SNX29: variants seen among roughly 807,000 people sequenced by gnomAD.
SNX29 encodes sorting nexin-29.
In SNX29, 78 loss-of-function variants were observed where a neutral mutation model predicts 102.1. The observed-to-expected ratio is 0.76, with a 90% CI of 0.64 to 0.92. SNX29 has a LOEUF of 0.92. Ranked by LOEUF, SNX29 falls within the 40% of genes least tolerant of loss-of-function variation. The pLI is 0.00. For missense variants in SNX29, 1,280 were observed against 1,061.7 expected (o/e 1.21, Z -2.86); for synonymous variants, 580 against 414.5 (o/e 1.40, Z -4.85).
chr16:11,978,625 C>G (rs956986982), intron 1 of SNX29, among the ~76,000 whole-genome samples: 1 of 152,092 alleles, frequency 6.6e-6, no homozygotes, highest in Middle Eastern at 3.4e-3. Flanking sequence ...GGACTAGGCA[C>G]TGTCTGAAAA....
Position 12,278,018 on chromosome 16 carries a change from C to T in SNX29, c.1764C>T (p.Tyr588=), listed in dbSNP as rs16959111. 12,428 of 1,602,088 alleles carry T rather than the reference C, an allele frequency of 7.8e-3. 881 individuals are homozygous for T. In the African/African-American group the frequency reaches 0.15, roughly 19 times the overall value. Residue 588 remains tyrosine, a synonymous_variant, in exon 15 of 21, where the codon TAC becomes TAT. Coordinates refer to ENST00000566228, the MANE Select transcript of SNX29 (RefSeq NM_032167.5). ...TTGCTGAAGAACTCGCAAGCTCCTA[C>T]GAAAGAAAGCTCATCGAGGTAAGGC... The part of the protein sequence containing the change: ...GEIAEELASS[Y]ERKLIEVAEM...
chr16:12,206,403 A>G (rs1003310623), intron 14 of SNX29, among the ~76,000 whole-genome samples: 1 of 150,672 alleles, frequency 6.6e-6, no homozygotes, highest in South Asian at 2.1e-4. Context: ...AAAAAAAAAA[A>G]GCCCTGATTT....
intron 18 of SNX29, among the ~76,000 whole-genome samples, chr16:12,460,097 C>T (rs930060896): frequency 2.0e-5 from 3 of 152,182 alleles, no homozygotes; most frequent in African/African-American, 7.2e-5. Flanking sequence ...TTCAGGATCA[C>T]ATCAGAAGGT....
intron 15 of SNX29, among the ~76,000 whole-genome samples, chr16:12,338,183 C>T (rs907003927): frequency 3.9e-5 from 6 of 152,172 alleles, no homozygotes; most frequent in Non-Finnish European, 8.8e-5. Flanking sequence ...GACCAGACAT[C>T]GCCTCTGCAG....
At chr16:12,303,231 A>G (rs1313371897) in intron 15 of SNX29, among the ~76,000 whole-genome samples, 1 of 152,356 alleles carries the variant, frequency 6.6e-6, no homozygotes, top group Non-Finnish European at 1.5e-5. Flanking sequence ...ATATTAAAAC[A>G]TAGATGAATT....
At chr16:12,248,530 C>G (rs2078328254) in intron 14 of SNX29, among the ~76,000 whole-genome samples, 1 of 151,978 alleles carries the variant, frequency 6.6e-6, no homozygotes, top group South Asian at 2.1e-4. Context: ...TGAGCGATTA[C>G]AGGCGTGCAC....
intron 11 of SNX29, among the ~76,000 whole-genome samples, chr16:12,126,132 T>C (rs2054205335): frequency 6.6e-6 from 1 of 152,232 alleles, no homozygotes; most frequent in Non-Finnish European, 1.5e-5. Flanking sequence ...CTCTTGAAAA[T>C]ATGCCCAGTT....
intron 11 of SNX29, among the ~76,000 whole-genome samples, chr16:12,121,422 C>T (rs1251241982): frequency 1.3e-5 from 2 of 152,274 alleles, no homozygotes; most frequent in Non-Finnish European, 2.9e-5. Flanking sequence ...GCTTTATTCC[C>T]TGTGGCCATG....
chr16:12,532,002 G>T (rs2076944742), intron 20 of SNX29, among the ~76,000 whole-genome samples: 1 of 152,166 alleles, frequency 6.6e-6, no homozygotes, highest in Non-Finnish European at 1.5e-5. Flanking sequence ...AATCCACAGC[G>T]ACAGAGGAGA....
rs557069261 is a variant in SNX29, at chr16:12,333,841, A to G, written c.1783-22322A>G. 3.3e-5 allele frequency among the ~76,000 whole-genome samples: 5 copies of G among 152,266 alleles called. 1 individual carries two copies. The highest frequency in any genetic ancestry group is 3.4e-3 in the Middle Eastern group (1 of 294). On this transcript the variant is annotated intron_variant, in intron 15 of 20. Transcript: ENST00000566228. ...GAGGTAGAAAAGGCCATGTTTAGCC[A>G]GGTCCATTCCAGTTATTCTCAGAGA...
At chr16:12,427,291 T>C (rs76398866) in intron 18 of SNX29, among the ~76,000 whole-genome samples, 2,056 of 152,134 alleles carry the variant, frequency 0.014, 48 homozygotes, top group African/African-American at 0.046. Flanking sequence ...TTTTTTGTGA[T>C]GAAAATCTTG....
chr16:12,533,630 A>C (rs1035613903), intron 20 of SNX29, among the ~76,000 whole-genome samples: 1 of 152,036 alleles, frequency 6.6e-6, no homozygotes, highest in African/African-American at 2.4e-5. Context: ...TGACACCCCA[A>C]ATTGGGGCCT....
intron 1 of SNX29, 143 bp from the exon 2 acceptor site, chr16:11,999,154 C>A: frequency 1.4e-6 from 1 of 707,868 alleles, no homozygotes; most frequent in Non-Finnish European, 2.3e-6. Context: ...AGGCAATAGC[C>A]AAACTTCATT....
chr16:12,352,162 T>C (rs2082007580), intron 15 of SNX29, among the ~76,000 whole-genome samples: 1 of 152,164 alleles, frequency 6.6e-6, no homozygotes, highest in Non-Finnish European at 1.5e-5. Context: ...GTGGCACATA[T>C]AGACCATGGA....
chr16:12,566,970 GCA>G (rs1308422983), intron 20 of SNX29, among the ~76,000 whole-genome samples: 1 of 152,228 alleles, frequency 6.6e-6, no homozygotes, highest in Non-Finnish European at 1.5e-5. Context: ...GATCTCACTC[GCA>G]CAGTGGCCAT....
intron 20 of SNX29, among the ~76,000 whole-genome samples, chr16:12,556,861 T>G (rs936353336): frequency 6.6e-5 from 10 of 152,038 alleles, no homozygotes; most frequent in Non-Finnish European, 1.3e-4. Context: ...AAATTGAATT[T>G]TTTTTTTTTG....
chr16:12,541,341 C>G (rs548260567), intron 20 of SNX29, among the ~76,000 whole-genome samples: 3 of 152,126 alleles, frequency 2.0e-5, no homozygotes, highest in South Asian at 4.1e-4. Context: ...CCAGAATTAC[C>G]TTCTTCATTC....
chr16:12,562,345 TC>T (rs1259790284), intron 20 of SNX29, among the ~76,000 whole-genome samples: 1 of 151,600 alleles, frequency 6.6e-6, no homozygotes, highest in Non-Finnish European at 1.5e-5. Flanking sequence ...TTCTGTGATT[TC>T]CCCCTTTATT....
chr16:12,034,264 C>A (rs985616534), intron 4 of SNX29, among the ~76,000 whole-genome samples: 1 of 152,140 alleles, frequency 6.6e-6, no homozygotes, highest in Non-Finnish European at 1.5e-5. Context: ...CTGGGTCCAT[C>A]CTTTTGATGG....
Sources: allele counts gnomAD v4.1 joint callset (sites outside exome capture counted in the v4.1 genomes callset), GRCh38; gene constraint gnomAD v4.1.1; transcripts MANE v1.5; gene names NCBI Gene and HGNC (gene_info 2026-07-23, HGNC 2026-07-21).